The following LOC400499 variants were observed in gnomAD, a reference collection of about 807,000 sequenced individuals.
At chr16:11,456,823 G>A in the LOC400499 span, 20 of 1,534,926 alleles carry the variant, frequency 1.3e-5, no homozygotes, top group Non-Finnish European at 1.6e-5. Flanking sequence ...AGAAACCTGA[G>A]CTGCTAGCCA....
chr16:11,401,548 A>G, the LOC400499 span: 3 of 397,906 alleles, frequency 7.5e-6, no homozygotes, highest in African/African-American at 2.1e-5. Flanking sequence ...TCCCTGTGCA[A>G]GGCCCTCGGA....
At chr16:11,441,094 A>AG in the LOC400499 span, 7 of 398,960 alleles carry the variant, frequency 1.8e-5, no homozygotes, top group Admixed American at 8.8e-5. Context: ...TGTGAGAACC[A>AG]GGGGCACTGA....
At chr16:11,385,346 C>T in the LOC400499 span, 2 of 1,232,312 alleles carry the variant, frequency 1.6e-6, no homozygotes, top group Non-Finnish European at 2.0e-6. Flanking sequence ...TGCTGCCGCA[C>T]TGGGTGCTGA....
the LOC400499 span, among the ~76,000 whole-genome samples, chr16:11,496,013 G>C: frequency 6.6e-6 from 1 of 151,928 alleles, no homozygotes; most frequent in Non-Finnish European, 1.5e-5. Flanking sequence ...CGTCACTCCA[G>C]AACAGGGACT....
At chr16:11,483,833 C>G in the LOC400499 span, among the ~76,000 whole-genome samples, 97 of 151,884 alleles carry the variant, frequency 6.4e-4, no homozygotes, top group Non-Finnish European at 1.3e-3. Flanking sequence ...CAAGATCATG[C>G]CACTGCACTC....
the LOC400499 span, among the ~76,000 whole-genome samples, chr16:11,469,961 G>A: frequency 1.3e-5 from 2 of 152,302 alleles, no homozygotes; most frequent in South Asian, 4.1e-4. Flanking sequence ...GAGTGTCAGC[G>A]GCATGATCTC....
chr16:11,489,636 G>A, the LOC400499 span, among the ~76,000 whole-genome samples: 1 of 152,106 alleles, frequency 6.6e-6, no homozygotes, highest in Non-Finnish European at 1.5e-5. Context: ...GGGATAAGGT[G>A]CCCACTTATT....
chr16:11,515,956 G>T, the LOC400499 span: 2 of 398,298 alleles, frequency 5.0e-6, no homozygotes, highest in Non-Finnish European at 8.8e-6. Flanking sequence ...CCTGAGAATG[G>T]AGTGATGAGC....
the LOC400499 span, among the ~76,000 whole-genome samples, chr16:11,464,891 T>A: frequency 6.6e-6 from 1 of 152,194 alleles, no homozygotes; most frequent in Non-Finnish European, 1.5e-5. Flanking sequence ...CCCCTGGGAA[T>A]TCTGAAAATG....
chr16:11,406,097 CT>C, the LOC400499 span, among the ~76,000 whole-genome samples: 7,802 of 152,242 alleles, frequency 0.051, 641 homozygotes, highest in African/African-American at 0.17. Context: ...GGGGACTGGG[CT>C]TCCAGCGTCC....
At chr16:11,430,394 G>A in the LOC400499 span, among the ~76,000 whole-genome samples, 1 of 152,104 alleles carries the variant, frequency 6.6e-6, no homozygotes, top group South Asian at 2.1e-4. Flanking sequence ...GGAGGCTGAG[G>A]CAGCAGAATT....
chr16:11,419,478 A>G, the LOC400499 span, among the ~76,000 whole-genome samples: 1 of 146,580 alleles, frequency 6.8e-6, no homozygotes, highest in Admixed American at 6.7e-5. Context: ...TAAACGTTAG[A>G]CCTAAAAACC....
chr16:11,457,465 C>T, the LOC400499 span, among the ~76,000 whole-genome samples: 5 of 151,628 alleles, frequency 3.3e-5, no homozygotes, highest in Admixed American at 6.6e-5. Context: ...TGGTGGTGGG[C>T]GCCTGTAGTC....
chr16:11,392,702 CAGTT>C, the LOC400499 span: 21 of 878,318 alleles, frequency 2.4e-5, no homozygotes, highest in Middle Eastern at 5.6e-4. Flanking sequence ...ACACGGCAGT[CAGTT>C]AGGGATGCCA....
the LOC400499 span, among the ~76,000 whole-genome samples, chr16:11,463,844 T>C: frequency 6.6e-6 from 1 of 152,230 alleles, no homozygotes; most frequent in African/African-American, 2.4e-5. Context: ...TATGGACATG[T>C]ATGTGTGTAA....
the LOC400499 span, among the ~76,000 whole-genome samples, chr16:11,507,411 C>T: frequency 6.6e-6 from 1 of 152,290 alleles, no homozygotes. Context: ...TCCACAGCAC[C>T]CAGGGCGAGA....
the LOC400499 span, among the ~76,000 whole-genome samples, chr16:11,416,235 C>T: frequency 6.6e-6 from 1 of 152,088 alleles, no homozygotes; most frequent in African/African-American, 2.4e-5. Flanking sequence ...CATGCATGAG[C>T]CATTGCACCC....
chr16:11,487,086 G>C, the LOC400499 span, among the ~76,000 whole-genome samples: 1 of 151,984 alleles, frequency 6.6e-6, no homozygotes. Flanking sequence ...GAGGCATGTA[G>C]GTGAATTGAT....
At chr16:11,445,706 A>G in the LOC400499 span, among the ~76,000 whole-genome samples, 1 of 152,304 alleles carries the variant, frequency 6.6e-6, no homozygotes, top group Admixed American at 6.5e-5. Context: ...TTATCCCAAG[A>G]GAGGCTGTCA....
Sources: gnomAD v4.1 joint callset for allele counts (sites outside exome capture counted in the v4.1 genomes callset) on GRCh38, gnomAD v4.1.1 for gene constraint, MANE v1.5 for transcripts.